Variants in TUBB observed in about 807,000 individuals in gnomAD.
TUBB encodes the protein tubulin beta class I, also known as tubulin beta chain.
TUBB carries 2 observed loss-of-function variants against 35.1 expected under a neutral mutation model. The observed-to-expected ratio is 0.06, with a 90% CI of 0.02 to 0.18. TUBB has a LOEUF of 0.18. TUBB is among the 10% of genes least tolerant of loss of function. TUBB has a pLI of 1.00. For missense variants in TUBB, 50 were observed against 599.4 expected (o/e 0.08, Z 9.57); for synonymous variants, 205 against 223.8 (o/e 0.92, Z 0.75).
At chr6:30,723,168 T>A in intron 3 of TUBB, 140 bp downstream of exon 3, 1 of 909,016 alleles carries the variant, frequency 1.1e-6, no homozygotes, top group Non-Finnish European at 1.7e-6. Context: ...TAACGGAGGG[T>A]AGAGGTAGTG....
In TUBB at chr6:30,724,967, A is replaced by C; in HGVS notation, c.*570A>C. ...TTATCTCCACTTTCAATCTCCCTCC[A>C]AGCTCTACTCTGGAGGAGTCTGTCC... On this transcript the variant is annotated 3_prime_UTR_variant, in exon 4 of 4. Coordinates refer to ENST00000327892, the MANE Select transcript of TUBB (RefSeq NM_178014.4). This position sits in a 1 kb window ranked among gnomAD's most constrained non-coding sequence, Gnocchi z 4.4. 1 of 151,428 alleles carries C rather than the reference A, an allele frequency of 6.6e-6. No homozygotes were observed. Among genetic ancestry groups the C allele is most frequent in the Non-Finnish European group, 1.4e-5 (1 of 69,244 alleles). 9.4% of individuals were successfully genotyped at this position (151,428 alleles called of 1,614,324 possible). A position where few individuals can be genotyped will look rare whatever the true frequency, so the allele number is the denominator to read the frequency against.
chr6:30,724,199 G>A lies in TUBB; in HGVS notation c.1137G>A (p.Lys379=). Residue 379 remains lysine, a synonymous_variant, in exon 4 of 4, where the codon AAG becomes AAA. Transcript: ENST00000327892. This position sits in a 1 kb window ranked among gnomAD's most constrained non-coding sequence, Gnocchi z 4.4. ...GNSTAIQELF[K]RISEQFTAMF... ...GCACAGCCATCCAGGAGCTCTTCAA[G>A]CGCATCTCGGAGCAGTTCACTGCCA... 1 of 1,614,040 alleles carries A rather than the reference G, an allele frequency of 6.2e-7. No homozygotes were observed.
In TUBB at chr6:30,721,329, G is replaced by T. The variant is rs115094622; in HGVS notation, c.57+766G>T. On this transcript the variant is annotated intron_variant, in intron 1 of 3. Transcript: ENST00000327892. ...AAGGAATAAAAATTCCGAGGCCAAG[G>T]GGGATTTTTTTTTTTTGCGCGCGGT... is the stretch of plus-strand genomic sequence containing the variant. 8.4e-3 allele frequency among the ~76,000 whole-genome samples: 1,277 copies of T among 151,980 alleles called. 22 individuals are homozygous for T. The highest frequency in any genetic ancestry group is 0.072 in the East Asian group (372 of 5,150).
intron 1 of TUBB, chr6:30,722,233 C>G: frequency 3.1e-6 from 1 of 326,472 alleles, no homozygotes. Flanking sequence ...ATCACGAGGT[C>G]AAGAGATCTA....
At position 30,724,595 on chromosome 6, in the gene TUBB, C is replaced by G; in HGVS notation, c.*198C>G. 1 of 559,414 alleles carries G rather than the reference C, an allele frequency of 1.8e-6. No homozygotes were observed. The highest frequency in any genetic ancestry group is 3.1e-6 in the Non-Finnish European group (1 of 322,174). The allele number at this position is 559,414 out of a possible 1,614,324, so 34.7% of individuals were successfully genotyped here. ...TTTGTTGAATGTCTCCTCTCTCTTT[C>G]CACTCTGGGAAACCTAGGTTTCTGC... On this transcript the variant is annotated 3_prime_UTR_variant, in exon 4 of 4. Transcript: ENST00000327892. This position sits in a 1 kb window ranked among gnomAD's most constrained non-coding sequence, Gnocchi z 4.4.
intron 1 of TUBB, chr6:30,721,604 G>C (rs1366572561): frequency 1.5e-5 from 15 of 985,418 alleles, no homozygotes; most frequent in East Asian, 1.1e-4. Flanking sequence ...GGAGGGCGGG[G>C]GGGGTGGTCG....
intron 1 of TUBB, chr6:30,721,751 C>T (rs1410344728): frequency 1.4e-5 from 14 of 985,200 alleles, no homozygotes; most frequent in Non-Finnish European, 1.7e-5. Flanking sequence ...CACTTGGGAC[C>T]CGCTGCACAT....
chr6:30,722,165 GC>G, intron 1 of TUBB: 1 of 241,890 alleles, frequency 4.1e-6, no homozygotes, highest in Non-Finnish European at 8.3e-6. Context: ...ATTAGAAGAA[GC>G]TGGGCGCGGT....
rs1271537263 is a variant in TUBB at position 30,725,034 on chromosome 6, CCTCA to C, written c.*642_*645del. 37 of 149,482 alleles carry C rather than the reference CCTCA, an allele frequency of 2.5e-4. No individual in the cohort carries two copies. The highest frequency in any genetic ancestry group is 8.1e-4 in the African/African-American group (32 of 39,302). 9.3% of individuals were successfully genotyped at this position (149,482 alleles called of 1,614,324 possible). A position where few individuals can be genotyped will look rare whatever the true frequency, so the allele number is the denominator to read the frequency against. On this transcript the variant is annotated 3_prime_UTR_variant, in exon 4 of 4. Coordinates refer to ENST00000327892, the MANE Select transcript of TUBB (RefSeq NM_178014.4). ...ATCCTTCCCTTTCCAACTCTACCTC[CCTCA>C]CTCAGCTCCTTTCCCCTGATCAGAG...
At position 30,720,716 on chromosome 6, in the gene TUBB, GC is replaced by G. The variant is rs558930367; in HGVS notation, c.57+154del. ...TTTATATATATAACAATTGTAGCTAGCATTTGCCTTTGGAAAGCTGGGAATC... is the reference window on the plus strand; with the variant it reads ...TTTATATATATAACAATTGTAGCTAGATTTGCCTTTGGAAAGCTGGGAATC... On this transcript the variant is annotated intron_variant, in intron 1 of 3. Coordinates refer to ENST00000327892, the MANE Select transcript of TUBB (RefSeq NM_178014.4). Among the ~76,000 whole-genome samples the G allele has an allele frequency of 9.3e-4, 141 of 152,334 alleles. 1 individual carries two copies. Among genetic ancestry groups the G allele is most frequent in the African/African-American group, 3.3e-3 (138 of 41,578 alleles).
chr6:30,722,042 A>AGCCT, intron 1 of TUBB: 1 of 301,956 alleles, frequency 3.3e-6, no homozygotes, highest in Non-Finnish European at 4.9e-6. Context: ...GGTCCCAGCT[A>AGCCT]CTCGAGAGGC....
rs765562907 is a variant in TUBB, at chr6:30,722,656, G to C, written c.166+11G>C. Reference sequence around the variant, plus strand: ...ACAATGAAGCCACAGGTAAGGGCAGGAGCCCGGGCAGCTCAGGTTCCCTTC... The same window carrying C: ...ACAATGAAGCCACAGGTAAGGGCAGCAGCCCGGGCAGCTCAGGTTCCCTTC... On this transcript the variant is annotated intron_variant, in intron 2 of 3. Coordinates refer to ENST00000327892, the MANE Select transcript of TUBB (RefSeq NM_178014.4). 11 of 1,609,122 alleles carry C rather than the reference G, an allele frequency of 6.8e-6. No individual in the cohort carries two copies. Among genetic ancestry groups the C allele is most frequent in the Middle Eastern group, 3.3e-4 (2 of 6,064 alleles).
At chr6:30,722,435 C>T (rs1776344518) in intron 1 of TUBB, 102 bp from the exon 2 acceptor site, 3 of 812,576 alleles carry the variant, frequency 3.7e-6, no homozygotes, top group Non-Finnish European at 6.1e-6. Context: ...GAGCGAGACT[C>T]CGTCTCAAAA....
In TUBB at chr6:30,720,431, C is replaced by T; in HGVS notation, c.-76C>T. On this transcript the variant is annotated 5_prime_UTR_variant, in exon 1 of 4. Transcript: ENST00000327892. Reference sequence around the variant, plus strand: ...CGCATTCCAACCTTCCAGCCTGCGACCTGCGGAGAAAAAAAATTACTTATT... The same window carrying T: ...CGCATTCCAACCTTCCAGCCTGCGATCTGCGGAGAAAAAAAATTACTTATT... 1.4e-6 allele frequency: 2 copies of T among 1,468,300 alleles called. No homozygotes were observed. The highest frequency in any genetic ancestry group is 1.9e-6 in the Non-Finnish European group (2 of 1,049,424). 91.0% of individuals were successfully genotyped at this position (1,468,300 alleles called of 1,614,324 possible).
At chr6:30,722,751 C>T in intron 2 of TUBB, 106 bp downstream of exon 2, 2 of 1,178,296 alleles carry the variant, frequency 1.7e-6, no homozygotes, top group Non-Finnish European at 2.4e-6. Flanking sequence ...GTGAATCTGT[C>T]ATTTTGTCCC....
chr6:30,720,621 G>A, intron 1 of TUBB, 58 bp downstream of exon 1: 2 of 1,545,276 alleles, frequency 1.3e-6, no homozygotes, highest in Admixed American at 1.9e-5. Flanking sequence ...GGTAAGTTAT[G>A]AAAAAATGGT....
intron 1 of TUBB, chr6:30,721,540 C>A: frequency 9.1e-6 from 9 of 985,190 alleles, no homozygotes; most frequent in Non-Finnish European, 1.1e-5. Context: ...TGGCCCCGCC[C>A]ACGCGCGAAG....
At chr6:30,721,887 T>TG (rs1776297297) in intron 1 of TUBB, 2 of 984,922 alleles carry the variant, frequency 2.0e-6, no homozygotes, top group Middle Eastern at 1.0e-3. Flanking sequence ...AAATGGGAGA[T>TG]GTGGGGCCGA....
chr6:30,722,901 A>T lies in TUBB; in HGVS notation c.167-17A>T, dbSNP rs1310194748. On this transcript the variant is annotated splice_polypyrimidine_tract_variant and intron_variant, in intron 2 of 3. Transcript: ENST00000327892. ...CCTTCTGCCAGATTTCACAGCTCTT[A>T]ACTTTATTCTCTGTAGGTGGCAAAT... 1 of 1,599,940 alleles carries T rather than the reference A, an allele frequency of 6.3e-7. No homozygotes were observed. Among genetic ancestry groups the T allele is most frequent in the Admixed American group, 1.7e-5 (1 of 59,244 alleles).
Sources: gnomAD v4.1 joint callset for allele counts (sites outside exome capture counted in the v4.1 genomes callset) on GRCh38, gnomAD v4.1.1 for gene constraint, Gnocchi (gnomAD v3.1) non-coding constraint, MANE v1.5 for transcripts, NCBI Gene and HGNC (gene_info 2026-07-23, HGNC 2026-07-21) for gene names.